The following TMPRSS11D variants were observed in gnomAD, a reference collection of about 807,000 sequenced individuals.
The protein encoded by TMPRSS11D is transmembrane serine protease 11D.
In TMPRSS11D, 32 loss-of-function variants were observed where a neutral mutation model predicts 44.4. The observed-to-expected ratio is 0.72, with a 90% CI of 0.54 to 0.97. TMPRSS11D has a LOEUF of 0.97. Among genes scored for constraint, TMPRSS11D ranks in the 50% least tolerant of loss-of-function variants. The pLI is 0.00. For missense variants in TMPRSS11D, 446 were observed against 502.6 expected (o/e 0.89, Z 1.08); for synonymous variants, 179 against 177.9 (o/e 1.01, Z -0.05).
chr4:67,838,713 T>A (rs1423649930), intron 4 of TMPRSS11D, among the ~76,000 whole-genome samples: 1 of 152,082 alleles, frequency 6.6e-6, no homozygotes, highest in Non-Finnish European at 1.5e-5. Flanking sequence ...TAGCACACAA[T>A]AAGTGTACTA....
intron 1 of TMPRSS11D, among the ~76,000 whole-genome samples, chr4:67,877,188 C>A (rs1461366659): frequency 6.6e-6 from 1 of 152,092 alleles, no homozygotes; most frequent in African/African-American, 2.4e-5. Context: ...CTAATTGCAT[C>A]TCCTCTAGTC....
intron 1 of TMPRSS11D, among the ~76,000 whole-genome samples, chr4:67,865,381 A>G (rs1718896929): frequency 1.3e-5 from 2 of 151,986 alleles, no homozygotes; most frequent in South Asian, 4.1e-4. Flanking sequence ...GCTAAGAGGG[A>G]ATTTTATATC....
chr4:67,857,696 T>C (rs1378026090), intron 2 of TMPRSS11D, among the ~76,000 whole-genome samples: 2 of 152,042 alleles, frequency 1.3e-5, no homozygotes, highest in Non-Finnish European at 2.9e-5. Flanking sequence ...TGACAGATAC[T>C]AGAGACTGGG....
chr4:67,836,505 C>T (rs2874032), intron 5 of TMPRSS11D, among the ~76,000 whole-genome samples: 2,781 of 152,218 alleles, frequency 0.018, 285 homozygotes, highest in Admixed American at 0.17. Flanking sequence ...TCAGTGGAGC[C>T]AAATCATACT....
chr4:67,823,949 C>T (rs1185217593), intron 9 of TMPRSS11D, among the ~76,000 whole-genome samples: 2 of 152,190 alleles, frequency 1.3e-5, no homozygotes, highest in African/African-American at 4.8e-5. Context: ...TGACTACAGA[C>T]ATTTGAATTT....
At chr4:67,841,906 G>T (rs1718240096) in intron 4 of TMPRSS11D, among the ~76,000 whole-genome samples, 1 of 152,112 alleles carries the variant, frequency 6.6e-6, no homozygotes, top group Non-Finnish European at 1.5e-5. Context: ...TTCTACCAAA[G>T]AACTATTGCA....
At chr4:67,870,528 C>A (rs1719030168) in intron 1 of TMPRSS11D, among the ~76,000 whole-genome samples, 1 of 152,154 alleles carries the variant, frequency 6.6e-6, no homozygotes, top group Admixed American at 6.5e-5. Context: ...AAAAATTGCA[C>A]CTCCGGCCGG....
At chr4:67,873,407 T>A (rs989569675) in intron 1 of TMPRSS11D, among the ~76,000 whole-genome samples, 2 of 152,206 alleles carry the variant, frequency 1.3e-5, no homozygotes, top group Non-Finnish European at 2.9e-5. Context: ...AGGAAATGTC[T>A]TGCTGTACCC....
Position 67,842,592 on chromosome 4 carries a change from T to A in TMPRSS11D, c.283A>T (p.Asn95Tyr). 1 of 1,606,354 alleles carries A rather than the reference T, an allele frequency of 6.2e-7. No individual in the cohort carries two copies. The highest frequency in any genetic ancestry group is 8.5e-7 in the Non-Finnish European group (1 of 1,178,228). The part of the protein sequence containing the change: ...TKTFKESNLR[N>Y]QFIRAHVAKL... The stretch of plus-strand genomic sequence containing the variant: ...GCAACATGAGCTCTGATGAACTGAT[T>A]TCTTAAATTTGATTCTTTGAATGTT... Residue 95 changes from asparagine (N) to tyrosine (Y), a missense_variant, in exon 4 of 10, where the codon AAT becomes TAT. Physicochemically the swap from Asn to Tyr is moderately radical, Grantham distance 143. Transcript: ENST00000283916.
intron 1 of TMPRSS11D, among the ~76,000 whole-genome samples, chr4:67,878,101 A>T (rs1169613057): frequency 2.0e-5 from 3 of 152,194 alleles, no homozygotes; most frequent in Non-Finnish European, 4.4e-5. Context: ...GTGTTTGAGG[A>T]TGTAATGCCA....
chr4:67,833,099 G>A, intron 7 of TMPRSS11D, 105 bp downstream of exon 7: 1 of 1,098,258 alleles, frequency 9.1e-7, no homozygotes, highest in Non-Finnish European at 1.2e-6. Flanking sequence ...TGATTTTTTT[G>A]CATTGAATTA....
intron 3 of TMPRSS11D, among the ~76,000 whole-genome samples, chr4:67,843,572 C>CA (rs1410928634): frequency 6.6e-6 from 1 of 152,166 alleles, no homozygotes; most frequent in African/African-American, 2.4e-5. Flanking sequence ...AAGGATACTC[C>CA]AACCTCAGTC....
intron 3 of TMPRSS11D, among the ~76,000 whole-genome samples, chr4:67,852,469 C>G (rs1188283929): frequency 1.3e-5 from 2 of 152,130 alleles, no homozygotes; most frequent in African/African-American, 4.8e-5. Flanking sequence ...CTAGGTTATG[C>G]TAGAGACCAT....
chr4:67,853,458 G>C (rs1267838563), intron 3 of TMPRSS11D, among the ~76,000 whole-genome samples: 1 of 152,022 alleles, frequency 6.6e-6, no homozygotes, highest in East Asian at 1.9e-4. Flanking sequence ...TTTTTGAAAA[G>C]GTAAGGGTAA....
chr4:67,860,811 G>C (rs919288718), intron 1 of TMPRSS11D, among the ~76,000 whole-genome samples: 1 of 152,076 alleles, frequency 6.6e-6, no homozygotes, highest in African/African-American at 2.4e-5. Context: ...AGTGAGAAGG[G>C]TATGTTCTGA....
intron 5 of TMPRSS11D, among the ~76,000 whole-genome samples, chr4:67,835,745 G>A (rs1718067248): frequency 1.3e-5 from 2 of 152,130 alleles, no homozygotes; most frequent in African/African-American, 4.8e-5. Flanking sequence ...TTGAAGATCT[G>A]AAAGGAATTT....
chr4:67,881,535 T>C (rs1719320758), intron 1 of TMPRSS11D, among the ~76,000 whole-genome samples: 1 of 152,206 alleles, frequency 6.6e-6, no homozygotes, highest in Non-Finnish European at 1.5e-5. Context: ...TACAAATTGG[T>C]GTCCACCTGC....
chr4:67,850,774 CCAGT>C (rs1454578501), intron 3 of TMPRSS11D, among the ~76,000 whole-genome samples: 3 of 152,144 alleles, frequency 2.0e-5, no homozygotes, highest in South Asian at 2.1e-4. Flanking sequence ...TCTTTAAATC[CCAGT>C]CAATCAATCT....
At chr4:67,882,089 G>C (rs1719332763) in intron 1 of TMPRSS11D, among the ~76,000 whole-genome samples, 1 of 152,086 alleles carries the variant, frequency 6.6e-6, no homozygotes, top group African/African-American at 2.4e-5. Flanking sequence ...TCCTTCTTCA[G>C]ACAAGGGAAG....
Sources: gnomAD v4.1 joint callset for allele counts (sites outside exome capture counted in the v4.1 genomes callset) on GRCh38, gnomAD v4.1.1 for gene constraint, MANE v1.5 for transcripts, NCBI Gene and HGNC (gene_info 2026-07-23, HGNC 2026-07-21) for gene names.